Variants in CTNNA3 observed in about 807,000 individuals in gnomAD.
CTNNA3 encodes catenin alpha-3.
A neutral mutation model predicts 95.7 loss-of-function variants in CTNNA3; 76 were observed. The ratio of observed to expected loss-of-function variants is 0.79; its 90% CI spans 0.66 to 0.96. The LOEUF is 0.96. CTNNA3 is among the 40% of genes least tolerant of loss of function. CTNNA3 has a pLI of 0.00. For missense variants in CTNNA3, 1,191 were observed against 1,089.8 expected, an observed-to-expected ratio of 1.09 and a Z score of -1.31; for synonymous variants, 431 against 374.4, an observed-to-expected ratio of 1.15 and a Z score of -1.74.
chr10:67,683,124 C>A (rs1481122182), intron 1 of CTNNA3, among the ~76,000 whole-genome samples: 1 of 152,158 alleles, frequency 6.6e-6, no homozygotes, highest in African/African-American at 2.4e-5. Flanking sequence ...TCTTAAGATT[C>A]CTTTGTAATC....
intron 10 of CTNNA3, among the ~76,000 whole-genome samples, chr10:66,620,619 A>G (rs955130090): frequency 1.3e-5 from 2 of 152,120 alleles, no homozygotes; most frequent in African/African-American, 2.4e-5. Flanking sequence ...TACTTTAGAG[A>G]CCTCATTGCA....
intron 11 of CTNNA3, among the ~76,000 whole-genome samples, chr10:66,385,236 C>T (rs1196948701): frequency 1.3e-5 from 2 of 152,154 alleles, no homozygotes; most frequent in Non-Finnish European, 2.9e-5. Flanking sequence ...CAAATGAACG[C>T]AATAAAAATT....
chr10:66,539,001 T>C (rs1382821681), intron 10 of CTNNA3, among the ~76,000 whole-genome samples: 3 of 152,110 alleles, frequency 2.0e-5, no homozygotes, highest in African/African-American at 7.2e-5. Context: ...TCAAGTAATA[T>C]GGTGTATGTT....
intron 13 of CTNNA3, among the ~76,000 whole-genome samples, chr10:66,156,926 C>A (rs1384212446): frequency 3.9e-5 from 6 of 151,930 alleles, no homozygotes; most frequent in Non-Finnish European, 8.8e-5. Context: ...AATAAGGTGA[C>A]TATGGCTGTC....
intron 7 of CTNNA3, among the ~76,000 whole-genome samples, chr10:67,130,539 C>T (rs184384970): frequency 5.7e-4 from 86 of 152,190 alleles, no homozygotes; most frequent in African/African-American, 2.0e-3. Flanking sequence ...TTAGATAAAC[C>T]TTCTGAAATG....
chr10:66,691,367 A>G (rs1225036698), intron 9 of CTNNA3, among the ~76,000 whole-genome samples: 2 of 152,184 alleles, frequency 1.3e-5, no homozygotes, highest in African/African-American at 2.4e-5. Context: ...CTGGCACAGC[A>G]GACTGAGATC....
At chr10:66,038,665 TA>T (rs1197825405) in intron 15 of CTNNA3, among the ~76,000 whole-genome samples, 8 of 152,108 alleles carry the variant, frequency 5.3e-5, no homozygotes, top group African/African-American at 1.4e-4. Flanking sequence ...TAGCACACTT[TA>T]AAAAAATGCA....
intron 7 of CTNNA3, among the ~76,000 whole-genome samples, chr10:67,066,195 C>CTTTTT (rs71006118): frequency 0.013 from 1,605 of 123,026 alleles, 107 homozygotes; most frequent in African/African-American, 0.046. Flanking sequence ...AAGTCACTGG[C>CTTTTT]TTTTTTTTTT....
intron 12 of CTNNA3, among the ~76,000 whole-genome samples, 165 bp downstream of exon 12, chr10:66,378,987 C>T (rs907593875): frequency 2.4e-4 from 37 of 152,174 alleles, no homozygotes; most frequent in African/African-American, 8.7e-4. Context: ...ATTTACTTCT[C>T]AGTGATAAAT....
At chr10:66,907,857 G>A (rs1391660133) in intron 7 of CTNNA3, among the ~76,000 whole-genome samples, 1 of 152,090 alleles carries the variant, frequency 6.6e-6, no homozygotes, top group African/African-American at 2.4e-5. Flanking sequence ...ACTGTCCCTT[G>A]TCATAAAGCA....
intron 10 of CTNNA3, among the ~76,000 whole-genome samples, chr10:66,617,409 C>A (rs201400119): frequency 6.6e-6 from 1 of 152,004 alleles, no homozygotes. Context: ...GTTCAATATA[C>A]GCAAATCAAT....
intron 16 of CTNNA3, among the ~76,000 whole-genome samples, chr10:65,987,827 T>C (rs2078458979): frequency 6.6e-6 from 1 of 151,994 alleles, no homozygotes; most frequent in Non-Finnish European, 1.5e-5. Context: ...CAAAATGTGG[T>C]ATACAAGCAC....
chr10:66,434,849 C>T (rs1301675758), intron 11 of CTNNA3, among the ~76,000 whole-genome samples: 2 of 151,914 alleles, frequency 1.3e-5, no homozygotes, highest in African/African-American at 2.4e-5. Context: ...GAGTTTTTAG[C>T]ATGAAGGGGT....
chr10:67,507,889 G>A (rs1224149618), intron 5 of CTNNA3, among the ~76,000 whole-genome samples: 1 of 152,112 alleles, frequency 6.6e-6, no homozygotes, highest in Non-Finnish European at 1.5e-5. Context: ...TTAACAGAAT[G>A]GAGAACAAAA....
At chr10:66,003,722 T>A (rs1213613068) in intron 15 of CTNNA3, among the ~76,000 whole-genome samples, 6 of 152,090 alleles carry the variant, frequency 3.9e-5, no homozygotes, top group South Asian at 4.1e-4. Context: ...AGATTTAATA[T>A]TTTTTTGTGT....
rs1184273822 is a variant in CTNNA3, at chr10:66,719,606, G to GAC, written c.1281+46657_1281+46658insGT. ...AAAAACTGCTATGACCAGAAGTATT[G>GAC]CAGAGACCAGGGTAACCAGAAGCAC... On this transcript the variant is annotated intron_variant, in intron 9 of 17. Transcript: ENST00000433211. Among the ~76,000 whole-genome samples the GAC allele has an allele frequency of 7.6e-4, 116 of 152,234 alleles. 1 individual carries two copies. The highest frequency in any genetic ancestry group is 2.6e-3 in the African/African-American group (110 of 41,536).
chr10:67,463,017 G>A (rs1394416398), intron 5 of CTNNA3, among the ~76,000 whole-genome samples: 1 of 145,944 alleles, frequency 6.9e-6, no homozygotes, highest in Non-Finnish European at 1.5e-5. Flanking sequence ...CAATTCTCCT[G>A]CCTCACCCTC....
At chr10:66,636,113 A>AT (rs1196072778) in intron 9 of CTNNA3, among the ~76,000 whole-genome samples, 3 of 151,862 alleles carry the variant, frequency 2.0e-5, no homozygotes, top group Non-Finnish European at 4.4e-5. Context: ...TGCATGTACT[A>AT]TTATTAAATA....
At chr10:67,612,949 GCCCTA>G (rs773472215) in intron 2 of CTNNA3, among the ~76,000 whole-genome samples, 1 of 152,160 alleles carries the variant, frequency 6.6e-6, no homozygotes, top group African/African-American at 2.4e-5. Context: ...CTCTGCACCA[GCCCTA>G]CATTCCCACT....
Sources: gnomAD v4.1 joint callset for allele counts (sites outside exome capture counted in the v4.1 genomes callset) on GRCh38, gnomAD v4.1.1 for gene constraint, MANE v1.5 for transcripts, NCBI Gene and HGNC (gene_info 2026-07-23, HGNC 2026-07-21) for gene names.